ROCK2: variants seen among roughly 807,000 people sequenced by gnomAD.
ROCK2 encodes the protein Rho associated coiled-coil containing protein kinase 2.
A neutral mutation model predicts 195.1 loss-of-function variants in ROCK2; 61 were observed. The ratio of observed to expected loss-of-function variants is 0.31; its 90% confidence interval spans 0.25 to 0.39. The LOEUF (loss-of-function observed/expected upper bound fraction) is 0.39. ROCK2 is among the 10% of genes least tolerant of loss of function. ROCK2 has a pLI of 1.00. For missense variants in ROCK2, 1,109 were observed against 1,637.4 expected (o/e 0.68, Z 5.57); for synonymous variants, 504 against 545.5 (o/e 0.92, Z 1.06).
chr2:11,326,035 G>C (rs1668539807), intron 1 of ROCK2, among the ~76,000 whole-genome samples: 1 of 152,030 alleles, frequency 6.6e-6, no homozygotes, highest in Non-Finnish European at 1.5e-5. Flanking sequence ...GGAGCAATAG[G>C]GGAAAAAAGA....
chr2:11,301,939 G>T (rs1400548701), intron 1 of ROCK2, among the ~76,000 whole-genome samples: 6 of 151,932 alleles, frequency 3.9e-5, no homozygotes, highest in African/African-American at 1.5e-4. Context: ...CCAACTAGCT[G>T]GGATTACAGG....
chr2:11,213,478 T>C (rs976524442), intron 17 of ROCK2, among the ~76,000 whole-genome samples: 9 of 151,770 alleles, frequency 5.9e-5, no homozygotes, highest in African/African-American at 2.2e-4. Context: ...TTTTCTTTTT[T>C]AAGTTTCACT....
chr2:11,217,208 C>T (rs1443781356), intron 11 of ROCK2, 39 bp from the exon 12 acceptor site: 1 of 1,037,486 alleles, frequency 9.6e-7, no homozygotes, highest in Non-Finnish European at 1.5e-6. Flanking sequence ...GTATTTTGGT[C>T]ATATTTAAAG....
intron 1 of ROCK2, among the ~76,000 whole-genome samples, chr2:11,305,132 T>C (rs1206850615): frequency 2.6e-5 from 4 of 152,042 alleles, no homozygotes; most frequent in African/African-American, 7.2e-5. Context: ...TCCCAACACT[T>C]TGGGAGGCTG....
chr2:11,181,487 T>A lies in ROCK2; in HGVS notation c.*1950A>T, dbSNP rs897642232. 2 of 151,802 alleles carry A rather than the reference T, an allele frequency of 1.3e-5. No homozygotes were observed. The highest frequency in any genetic ancestry group is 2.4e-5 in the African/African-American group (1 of 41,328). 9.4% of individuals were successfully genotyped at this position (151,802 alleles called of 1,614,324 possible). On this transcript the variant is annotated 3_prime_UTR_variant, in exon 33 of 33. Coordinates refer to ENST00000315872, the MANE Select transcript of ROCK2 (RefSeq NM_004850.5). ...AGAACGTTAAGAATAACAAAACCAG[T>A]TTCAGTCTATCAGTAGGCCAGTAGC...
At chr2:11,210,478 C>A (rs12475086) in intron 18 of ROCK2, among the ~76,000 whole-genome samples, 62,032 of 151,772 alleles carry the variant, frequency 0.41, 13,839 homozygotes, top group Admixed American at 0.52. Context: ...GTAGCTCTGA[C>A]TATAGGCGCA....
Position 11,216,880 on chromosome 2 carries a change from T to C in ROCK2, c.1412+210A>G, listed in dbSNP as rs1353302505. 2.0e-5 allele frequency among the ~76,000 whole-genome samples: 3 copies of C among 152,176 alleles called. No individual in the cohort carries two copies. The East Asian group carries it at 5.8e-4, about 29-fold the overall frequency. On this transcript the variant is annotated intron_variant, in intron 12 of 32. Coordinates refer to ENST00000315872, the MANE Select transcript of ROCK2 (RefSeq NM_004850.5). ...CTGGGATTACAGGCACCCGCCACCA[T>C]GCCCAGCTAATTTTTGTATTTTTAG...
intron 1 of ROCK2, among the ~76,000 whole-genome samples, chr2:11,338,528 T>C (rs1436052000): frequency 1.3e-5 from 2 of 152,200 alleles, no homozygotes; most frequent in Non-Finnish European, 2.9e-5. Flanking sequence ...ATATGGAGGA[T>C]ATGCACAGAT....
intron 3 of ROCK2, among the ~76,000 whole-genome samples, chr2:11,266,289 T>C (rs1360303193): frequency 6.6e-6 from 1 of 152,146 alleles, no homozygotes; most frequent in African/African-American, 2.4e-5. Flanking sequence ...CACTATTGAG[T>C]TGCATGAGTA....
chr2:11,201,199 T>C lies in ROCK2; in HGVS notation c.2724-56A>G. 1 of 1,548,950 alleles carries C rather than the reference T, an allele frequency of 6.5e-7. No homozygotes were observed. The highest frequency in any genetic ancestry group is 8.8e-7 in the Non-Finnish European group (1 of 1,141,220). On this transcript the variant is annotated intron_variant, in intron 22 of 32. Transcript: ENST00000315872. This position sits in a 1 kb window ranked among gnomAD's most constrained non-coding sequence, Gnocchi z 4.6. ...TTCAGTTTTCACTATGAAGTGAAAGTTTTTGTCTAATTCACTTCATCAATA... is the reference window on the plus strand; with the variant it reads ...TTCAGTTTTCACTATGAAGTGAAAGCTTTTGTCTAATTCACTTCATCAATA...
chr2:11,192,416 A>G lies in ROCK2; in HGVS notation c.3949+35T>C. ...ATGTGCTTAAAATGATCTGAACATA[A>G]CCAATATCGATGGAGCAAGTAATTT... On this transcript the variant is annotated intron_variant, in intron 31 of 32. Coordinates refer to ENST00000315872, the MANE Select transcript of ROCK2 (RefSeq NM_004850.5). This position sits in a 1 kb window ranked among gnomAD's most constrained non-coding sequence, Gnocchi z 5.0. 1 of 1,611,676 alleles carries G rather than the reference A, an allele frequency of 6.2e-7. No homozygotes were observed.
At chr2:11,216,086 G>T in intron 13 of ROCK2, 72 bp downstream of exon 13, 1 of 1,163,258 alleles carries the variant, frequency 8.6e-7, no homozygotes, top group Non-Finnish European at 1.3e-6. Flanking sequence ...TACCAAGAGA[G>T]CTCCTTAGGT....
At chr2:11,257,748 T>C (rs1666086766) in intron 3 of ROCK2, among the ~76,000 whole-genome samples, 3 of 151,310 alleles carry the variant, frequency 2.0e-5, no homozygotes, top group Non-Finnish European at 2.9e-5. Flanking sequence ...TCTCAGGAGA[T>C]AGGTACTTTA....
At chr2:11,204,285 C>T (rs1406070164) in intron 20 of ROCK2, among the ~76,000 whole-genome samples, 2 of 152,110 alleles carry the variant, frequency 1.3e-5, no homozygotes, top group Non-Finnish European at 2.9e-5. Flanking sequence ...TTGTATCACT[C>T]ATCTAAGTGG....
intron 28 of ROCK2, among the ~76,000 whole-genome samples, chr2:11,194,681 T>C (rs567474246): frequency 8.5e-5 from 13 of 152,076 alleles, no homozygotes; most frequent in Admixed American, 1.3e-4. Flanking sequence ...TGGGTCTTTT[T>C]TACTATATTC....
At chr2:11,272,320 T>A (rs1434173609) in intron 3 of ROCK2, among the ~76,000 whole-genome samples, 2 of 152,100 alleles carry the variant, frequency 1.3e-5, no homozygotes, top group South Asian at 4.1e-4. Context: ...TAAAGGTAAA[T>A]ACACACACAA....
At chr2:11,233,586 C>T (rs546327291) in intron 5 of ROCK2, among the ~76,000 whole-genome samples, 1 of 152,062 alleles carries the variant, frequency 6.6e-6, no homozygotes, top group East Asian at 1.9e-4. Context: ...TTGGAGGTGA[C>T]CTAGAAATCG....
intron 9 of ROCK2, among the ~76,000 whole-genome samples, chr2:11,219,317 T>A (rs1250415646): frequency 9.8e-6 from 1 of 102,528 alleles, no homozygotes; most frequent in Non-Finnish European, 1.8e-5. Context: ...GTGATCAACA[T>A]GGTGAAACCT....
chr2:11,266,421 A>G (rs757567695), intron 3 of ROCK2, among the ~76,000 whole-genome samples: 8 of 152,220 alleles, frequency 5.3e-5, no homozygotes, highest in Non-Finnish European at 1.0e-4. Flanking sequence ...GCAGTCTATC[A>G]TTTACCAAAA....
Sources: gnomAD v4.1 joint callset for allele counts (sites outside exome capture counted in the v4.1 genomes callset) on GRCh38, gnomAD v4.1.1 for gene constraint, Gnocchi (gnomAD v3.1) non-coding constraint, MANE v1.5 for transcripts, NCBI Gene and HGNC (gene_info 2026-07-23, HGNC 2026-07-21) for gene names.